The following AVL9 variants were observed in gnomAD, a reference collection of about 807,000 sequenced individuals.
AVL9 encodes late secretory pathway protein AVL9 homolog.
AVL9 carries 49 observed loss-of-function variants against 79.2 expected under a neutral mutation model. The observed-to-expected ratio is 0.62, with a 90% CI of 0.49 to 0.79. AVL9 has a LOEUF of 0.79. AVL9 is among the 30% of genes least tolerant of loss of function. The probability of loss-of-function intolerance (pLI) is 0.00; values close to 1 mark genes in which losing one functional copy is unlikely to be tolerated. For synonymous variants in AVL9, 299 were observed against 280.6 expected, an observed-to-expected ratio of 1.07 and a Z score of -0.65; for missense variants, 682 against 776.8, an observed-to-expected ratio of 0.88 and a Z score of 1.45.
rs765128467 is a variant in AVL9 at position 32,559,268 on chromosome 7, A to G, written c.1019A>G (p.Glu340Gly). The change falls in exon 10 of 16, where the codon GAG becomes GGG. Residue 340 changes from glutamate (E) to glycine (G), a missense_variant. By Grantham distance (98) the Glu-to-Gly change is moderately conservative. Transcript: ENST00000318709. ...GAAACTTTGGATCCTAGTGTCTTAG[A>G]GGACCCCAACTTGAAAGAAAGGGAA... is the stretch of plus-strand genomic sequence containing the variant. Reference protein sequence around the residue: ...DWETLDPSVLEDPNLKEREQL... With the variant: ...DWETLDPSVLGDPNLKEREQL... 6.2e-7 allele frequency: 1 copy of G among 1,614,238 alleles called. No homozygotes were observed.
chr7:32,523,640 G>A (rs560743088), intron 1 of AVL9, among the ~76,000 whole-genome samples: 59 of 147,290 alleles, frequency 4.0e-4, no homozygotes, highest in African/African-American at 1.3e-3. Context: ...CTCAGCCTCC[G>A]GAGTAGCTGG....
intron 10 of AVL9, chr7:32,559,830 G>C (rs1005536215): frequency 1.2e-5 from 2 of 166,084 alleles, no homozygotes; most frequent in African/African-American, 4.8e-5. Flanking sequence ...CTATGGTTCA[G>C]TTACAGAACA....
intron 1 of AVL9, among the ~76,000 whole-genome samples, chr7:32,539,576 T>C (rs904806173): frequency 5.9e-5 from 9 of 152,228 alleles, no homozygotes; most frequent in African/African-American, 2.2e-4. Flanking sequence ...GGAGTCACTC[T>C]GGTTAGGGTG....
At chr7:32,580,295 G>T in intron 14 of AVL9, 23 bp downstream of exon 14, 3 of 1,580,844 alleles carry the variant, frequency 1.9e-6, no homozygotes. Flanking sequence ...AGAAAATACT[G>T]GGAAAATTCT....
chr7:32,529,068 C>T (rs891342711), intron 1 of AVL9, among the ~76,000 whole-genome samples: 1 of 152,184 alleles, frequency 6.6e-6, no homozygotes, highest in African/African-American at 2.4e-5. Flanking sequence ...TGCCCGATAT[C>T]ATTTATTCTT....
intron 1 of AVL9, among the ~76,000 whole-genome samples, chr7:32,516,766 T>TTAA (rs1554334918): frequency 1.5e-5 from 2 of 134,378 alleles, no homozygotes; most frequent in Non-Finnish European, 3.1e-5. Flanking sequence ...CCTAGGCCTT[T>TTAA]AAAAAAAAAA....
At chr7:32,523,374 C>A (rs181359493) in intron 1 of AVL9, among the ~76,000 whole-genome samples, 7 of 151,988 alleles carry the variant, frequency 4.6e-5, no homozygotes, top group Admixed American at 4.6e-4. Flanking sequence ...ACAAAAGAGC[C>A]TTAGTCCCTT....
intron 1 of AVL9, among the ~76,000 whole-genome samples, chr7:32,513,152 A>G (rs141553769): frequency 6.6e-6 from 1 of 152,324 alleles, no homozygotes; most frequent in African/African-American, 2.4e-5. Flanking sequence ...CCTGCAATGA[A>G]AAGCTTTTCT....
intron 10 of AVL9, among the ~76,000 whole-genome samples, chr7:32,566,190 T>TTTTTTTTTTTTTTTTTTTTTA (rs1790560432): frequency 7.2e-6 from 1 of 138,586 alleles, no homozygotes; most frequent in Non-Finnish European, 1.5e-5. Context: ...ATTTTTTTTT[T>TTTTTTTTTTTTTTTTTTTTTA]TTGGAGACAA....
At chr7:32,545,360 A>ATT (rs1789434369) in intron 3 of AVL9, among the ~76,000 whole-genome samples, 3 of 60,960 alleles carry the variant, frequency 4.9e-5, no homozygotes, top group Non-Finnish European at 6.5e-5. Flanking sequence ...TATCTCTAAG[A>ATT]TTTCTTTTTT....
At position 32,559,273 on chromosome 7, in the gene AVL9, C is replaced by T. The variant is rs752260303; in HGVS notation, c.1024C>T (p.Pro342Ser). The T allele has an allele frequency of 3.7e-6, 6 of 1,613,964 alleles. No individual in the cohort carries two copies. In the African/African-American group the frequency reaches 5.3e-5, roughly 14 times the overall value. ...ETLDPSVLED[P>S]NLKEREQLGS... ...TTTGGATCCTAGTGTCTTAGAGGAC[C>T]CCAACTTGAAAGAAAGGGAACAGCT... The change falls in exon 10 of 16, where the codon CCC (proline) becomes TCC (serine). Residue 342 changes from proline (P) to serine (S), a missense_variant. Physicochemically the swap from Pro to Ser is moderately conservative, Grantham distance 74. Coordinates refer to ENST00000318709, the MANE Select transcript of AVL9 (RefSeq NM_015060.3).
At chr7:32,509,354 C>T (rs1417334581) in intron 1 of AVL9, among the ~76,000 whole-genome samples, 1 of 152,108 alleles carries the variant, frequency 6.6e-6, no homozygotes, top group Non-Finnish European at 1.5e-5. Flanking sequence ...ATCTATATAG[C>T]AGGGGCCTTG....
Position 32,587,508 on chromosome 7 carries a change from A to G in AVL9, c.*3601A>G, listed in dbSNP as rs1791850129. ...GGGGCCAGCGTTCTGACCTTTAACC[A>G]CATGAACTAACCTGCGTCAGCAGTT... On this transcript the variant is annotated 3_prime_UTR_variant, in exon 16 of 16. Transcript: ENST00000318709. 6.6e-6 allele frequency: 1 copy of G among 152,290 alleles called. No homozygotes were observed. Among genetic ancestry groups the G allele is most frequent in the African/African-American group, 2.4e-5 (1 of 41,478 alleles). 9.4% of individuals were successfully genotyped at this position (152,290 alleles called of 1,614,324 possible).
chr7:32,511,565 G>A (rs1016694114), intron 1 of AVL9, among the ~76,000 whole-genome samples: 1 of 152,034 alleles, frequency 6.6e-6, no homozygotes, highest in African/African-American at 2.4e-5. Flanking sequence ...GGGCGAGGGG[G>A]AAAGATAGGA....
chr7:32,575,901 CAT>C lies in AVL9; in HGVS notation c.1571-53_1571-52del, dbSNP rs1385530077. 56 of 1,276,938 alleles carry C rather than the reference CAT, an allele frequency of 4.4e-5. No homozygotes were observed. The African/African-American group carries it at 5.3e-4, about 12-fold the overall frequency. 79.1% of individuals were successfully genotyped at this position (1,276,938 alleles called of 1,614,324 possible). On this transcript the variant is annotated intron_variant, in intron 12 of 15. Coordinates refer to ENST00000318709, the MANE Select transcript of AVL9 (RefSeq NM_015060.3). ...TTACCCTTTTTGGTTATAATCTTCA[CAT>C]CCCTGAATGGCTACAGCCCAGCTCA...
At position 32,561,059 on chromosome 7, in the gene AVL9, A is replaced by T. The variant is rs573874532; in HGVS notation, c.1215+1595A>T. On this transcript the variant is annotated intron_variant, in intron 10 of 15. Transcript: ENST00000318709. ...GCTGTCATCCAGGCTTTGTTTTTCC[A>T]TTCTAGAGCACAGGCAGCAGATTTA... Among the ~76,000 whole-genome samples the T allele has an allele frequency of 1.7e-4, 26 of 152,266 alleles. No individual in the cohort carries two copies. The South Asian group carries it at 5.4e-3, about 32-fold the overall frequency.
chr7:32,551,297 T>A, intron 4 of AVL9, 37 bp from the exon 5 acceptor site: 1 of 1,342,788 alleles, frequency 7.4e-7, no homozygotes, highest in Non-Finnish European at 1.1e-6. Context: ...TATCAACTAA[T>A]TATTAATCAA....
intron 1 of AVL9, among the ~76,000 whole-genome samples, chr7:32,519,287 G>A (rs868397198): frequency 2.6e-5 from 4 of 152,212 alleles, no homozygotes; most frequent in South Asian, 2.1e-4. Flanking sequence ...AATTAGCTGG[G>A]CGTGGTGGCA....
chr7:32,561,639 A>C (rs1562790098), intron 10 of AVL9, among the ~76,000 whole-genome samples: 1 of 150,642 alleles, frequency 6.6e-6, no homozygotes, highest in African/African-American at 2.5e-5. Flanking sequence ...CACTGGTTTA[A>C]AAAACAAAAC....
Sources: gnomAD v4.1 joint callset for allele counts (sites outside exome capture counted in the v4.1 genomes callset) on GRCh38, gnomAD v4.1.1 for gene constraint, MANE v1.5 for transcripts, NCBI Gene and HGNC (gene_info 2026-07-23, HGNC 2026-07-21) for gene names.